ZNF341: variants seen among roughly 807,000 people sequenced by gnomAD.
ZNF341 encodes zinc finger protein 341.
Under a neutral mutation model 87.7 loss-of-function variants are expected in ZNF341, and 52 were observed. The ratio of observed to expected loss-of-function variants is 0.59; its 90% CI spans 0.47 to 0.75. ZNF341 has a LOEUF of 0.75. ZNF341 is among the 30% of genes least tolerant of loss of function. The pLI is 0.00. For missense variants in ZNF341, 977 were observed against 1,145.9 expected, an observed-to-expected ratio of 0.85 and a Z score of 2.13; for synonymous variants, 459 against 472.7, an observed-to-expected ratio of 0.97 and a Z score of 0.38.
intron 10 of ZNF341, among the ~76,000 whole-genome samples, chr20:33,780,075 G>C (rs750294842): frequency 2.0e-5 from 3 of 152,286 alleles, no homozygotes; most frequent in Non-Finnish European, 2.9e-5. Flanking sequence ...AGTGCATCGT[G>C]GGGGGCAACT....
At chr20:33,740,554 G>A (rs554871095) in intron 1 of ZNF341, among the ~76,000 whole-genome samples, 4 of 152,262 alleles carry the variant, frequency 2.6e-5, no homozygotes, top group Admixed American at 1.3e-4. Flanking sequence ...AAGTACAGTG[G>A]AGTGAGGTGA....
At chr20:33,776,049 T>C (rs1255355930) in intron 10 of ZNF341, among the ~76,000 whole-genome samples, 1 of 151,992 alleles carries the variant, frequency 6.6e-6, no homozygotes, top group Non-Finnish European at 1.5e-5. Flanking sequence ...ATTTAACTTA[T>C]GTATGTATTT....
chr20:33,761,063 T>C (rs1308276908), intron 7 of ZNF341, among the ~76,000 whole-genome samples: 1 of 152,126 alleles, frequency 6.6e-6, no homozygotes, highest in East Asian at 1.9e-4. Flanking sequence ...GGCATGATCA[T>C]AGCTCATTGT....
At position 33,732,400 on chromosome 20, in the gene ZNF341, G is replaced by A. The variant is rs1425399713; in HGVS notation, c.31+348G>A. ...GTCTGGAACAGCCGCGGCCAGGGAG[G>A]CGGCTTGGCGGCGCGCGGGGCCCGG... On this transcript the variant is annotated intron_variant, in intron 1 of 14. Transcript: ENST00000375200. The surrounding 1 kb of genome is among the most constrained non-coding windows in gnomAD (Gnocchi z 4.5). Among the ~76,000 whole-genome samples the A allele has an allele frequency of 2.0e-5, 3 of 151,942 alleles. No homozygotes were observed. The highest frequency in any genetic ancestry group is 4.4e-5 in the Non-Finnish European group (3 of 67,946).
intron 1 of ZNF341, among the ~76,000 whole-genome samples, chr20:33,735,444 C>T (rs1469871164): frequency 6.6e-6 from 1 of 152,052 alleles, no homozygotes; most frequent in Non-Finnish European, 1.5e-5. Context: ...AAGTGATCCT[C>T]CCACCTCAGC....
Position 33,753,281 on chromosome 20 carries a change from C to T in ZNF341, c.599C>T (p.Pro200Leu). The change falls in exon 5 of 15, where the codon CCA (proline) becomes CTA (leucine). Residue 200 changes from proline (P) to leucine (L), a missense_variant. Coordinates refer to ENST00000375200, the MANE Select transcript of ZNF341 (RefSeq NM_001282933.2). ...CCACCACCTCAGCCTCCACCACCTC[C>T]ACCCCAGAGCCTGGGCCCCCCTGGG... ...PPPPPQPPPP[P>L]PQSLGPPGRP... 1.2e-6 allele frequency: 2 copies of T among 1,612,226 alleles called. No individual in the cohort carries two copies. Among genetic ancestry groups the T allele is most frequent in the Non-Finnish European group, 1.7e-6 (2 of 1,179,618 alleles).
chr20:33,748,015 A>T (rs1457609764), intron 3 of ZNF341, among the ~76,000 whole-genome samples: 1 of 150,800 alleles, frequency 6.6e-6, no homozygotes, highest in Non-Finnish European at 1.5e-5. Context: ...TTGACCTAAG[A>T]TACTTGTGGA....
At chr20:33,764,775 CTT>C in intron 8 of ZNF341, among the ~76,000 whole-genome samples, 1 of 150,688 alleles carries the variant, frequency 6.6e-6, no homozygotes, top group South Asian at 2.1e-4. Context: ...GGTATATACA[CTT>C]ATAGCACATC....
intron 3 of ZNF341, among the ~76,000 whole-genome samples, chr20:33,747,284 T>C (rs962249317): frequency 7.2e-5 from 11 of 152,044 alleles, no homozygotes; most frequent in African/African-American, 2.7e-4. Context: ...CCCAGACCCA[T>C]AGGACATATA....
At chr20:33,738,287 GATA>G (rs2018733432) in intron 1 of ZNF341, among the ~76,000 whole-genome samples, 1 of 152,066 alleles carries the variant, frequency 6.6e-6, no homozygotes, top group South Asian at 2.1e-4. Flanking sequence ...TAATAATAAT[GATA>G]ATAATATTAT....
At chr20:33,742,503 A>G (rs1472431481) in intron 2 of ZNF341, among the ~76,000 whole-genome samples, 1 of 151,598 alleles carries the variant, frequency 6.6e-6, no homozygotes, top group East Asian at 1.9e-4. Flanking sequence ...CCAAGTCGAG[A>G]CAGGATTTCA....
At chr20:33,770,674 G>A (rs1052561749) in intron 10 of ZNF341, among the ~76,000 whole-genome samples, 4 of 152,026 alleles carry the variant, frequency 2.6e-5, no homozygotes, top group African/African-American at 4.8e-5. Context: ...GCGGTACACC[G>A]GTTCTTAACA....
chr20:33,770,343 G>GGGGGGGGGGGGGGGA, intron 10 of ZNF341, 51 bp downstream of exon 10: 2 of 511,254 alleles, frequency 3.9e-6, no homozygotes, highest in Non-Finnish European at 4.0e-6. Context: ...GGTGGGCAGG[G>GGGGGGGGGGGGGGGA]AGCCCAGGGC....
chr20:33,781,955 C>G (rs1248898766), intron 11 of ZNF341, among the ~76,000 whole-genome samples: 1 of 152,128 alleles, frequency 6.6e-6, no homozygotes, highest in South Asian at 2.1e-4. Context: ...GCTGGGATTA[C>G]ACGCATGAGC....
chr20:33,750,931 G>A lies in ZNF341; in HGVS notation c.489+1859G>A, dbSNP rs184393941. Among the ~76,000 whole-genome samples, 8 of 151,950 alleles carry A rather than the reference G, an allele frequency of 5.3e-5. No individual in the cohort carries two copies. The East Asian group carries it at 1.4e-3, about 26-fold the overall frequency. Reference sequence around the variant, plus strand: ...CCTGGGATTACAGGCGTGAGCCACCGTGCCTGGCCTAAAAAAATTTTTTTT... The same window carrying A: ...CCTGGGATTACAGGCGTGAGCCACCATGCCTGGCCTAAAAAAATTTTTTTT... On this transcript the variant is annotated intron_variant, in intron 4 of 14. Transcript: ENST00000375200.
intron 10 of ZNF341, among the ~76,000 whole-genome samples, chr20:33,778,849 G>A (rs1339016023): frequency 6.6e-6 from 1 of 151,612 alleles, no homozygotes; most frequent in Non-Finnish European, 1.5e-5. Flanking sequence ...TTCTTTTTTT[G>A]TCTGATAATA....
intron 9 of ZNF341, among the ~76,000 whole-genome samples, chr20:33,769,459 G>T (rs533232936): frequency 7.2e-5 from 11 of 152,222 alleles, no homozygotes; most frequent in Admixed American, 2.0e-4. Flanking sequence ...TTGAGAGCCG[G>T]TATTCCAGTA....
At chr20:33,747,630 A>AC (rs2018958262) in intron 3 of ZNF341, among the ~76,000 whole-genome samples, 1 of 132,612 alleles carries the variant, frequency 7.5e-6, no homozygotes, top group Non-Finnish European at 1.5e-5. Flanking sequence ...AAAAAAAAAA[A>AC]AAAAAAAAAA....
chr20:33,749,862 C>G (rs946758371), intron 4 of ZNF341, among the ~76,000 whole-genome samples: 7 of 151,862 alleles, frequency 4.6e-5, no homozygotes, highest in Non-Finnish European at 1.0e-4. Context: ...AAGCAATTCT[C>G]CTGCCTCAAC....
Sources: gnomAD v4.1 joint callset for allele counts (sites outside exome capture counted in the v4.1 genomes callset) on GRCh38, gnomAD v4.1.1 for gene constraint, Gnocchi (gnomAD v3.1) non-coding constraint, MANE v1.5 for transcripts, NCBI Gene and HGNC (gene_info 2026-07-23, HGNC 2026-07-21) for gene names.